SCUBE2: variants seen among roughly 807,000 people sequenced by gnomAD.
The protein encoded by SCUBE2 is signal peptide, CUB domain and EGF like domain containing 2, also known as signal peptide, CUB and EGF-like domain-containing protein 2.
In SCUBE2, 114 loss-of-function variants were observed where a neutral mutation model predicts 125.9. The ratio of observed to expected loss-of-function variants is 0.91; its 90% confidence interval spans 0.78 to 1.06. The LOEUF (loss-of-function observed/expected upper bound fraction) is 1.06, where lower values mean the gene tolerates loss of function less well. Ranked by LOEUF, SCUBE2 falls within the 50% of genes least tolerant of loss-of-function variation. The probability of loss-of-function intolerance (pLI) is 0.00; values close to 1 mark genes in which losing one functional copy is unlikely to be tolerated. For missense variants in SCUBE2, 1,255 were observed against 1,301.8 expected, an observed-to-expected ratio of 0.96 and a Z score of 0.55; for synonymous variants, 459 against 492.9, an observed-to-expected ratio of 0.93 and a Z score of 0.91.
chr11:9,063,045 G>C lies in SCUBE2; in HGVS notation c.851-2521C>G, dbSNP rs559597924. Reference sequence around the variant, plus strand: ...CACATAGGCCAGGAGGTTGAGACCAGCCTGGCCAACATAGCAAAATCCCTT... The same window carrying C: ...CACATAGGCCAGGAGGTTGAGACCACCCTGGCCAACATAGCAAAATCCCTT... On this transcript the variant is annotated intron_variant, in intron 7 of 22. Coordinates refer to ENST00000649792, the MANE Select transcript of SCUBE2 (RefSeq NM_001367977.2). Among the ~76,000 whole-genome samples, 296 of 151,974 alleles carry C rather than the reference G, an allele frequency of 1.9e-3. 1 individual carries two copies. The highest frequency in any genetic ancestry group is 6.9e-3 in the African/African-American group (285 of 41,452).
chr11:9,064,134 A>G (rs1859963165), intron 7 of SCUBE2, among the ~76,000 whole-genome samples: 1 of 152,136 alleles, frequency 6.6e-6, no homozygotes, highest in South Asian at 2.1e-4. Flanking sequence ...CTTTCATAAT[A>G]GGAAGTTAAA....
At chr11:9,030,083 A>G in intron 18 of SCUBE2, 38 bp from the exon 19 acceptor site, 1 of 1,594,292 alleles carries the variant, frequency 6.3e-7, no homozygotes, top group East Asian at 2.2e-5. Flanking sequence ...TGAAAAAAAG[A>G]AAGATTATTT....
chr11:9,020,791 A>G lies in SCUBE2; in HGVS notation c.*254T>C. 5.5e-6 allele frequency: 2 copies of G among 361,242 alleles called. No homozygotes were observed. The highest frequency in any genetic ancestry group is 5.0e-6 in the Non-Finnish European group (1 of 200,356). The allele number at this position is 361,242 out of a possible 1,614,324, so 22.4% of individuals were successfully genotyped here. ...GTCCAGCTCAGCCAGCCCGTGATCT[A>G]TCCAAGACATCCGCCCACAGCAGTG... On this transcript the variant is annotated 3_prime_UTR_variant, in exon 23 of 23. Transcript: ENST00000649792.
chr11:9,032,681 C>T (rs548272423), intron 17 of SCUBE2, among the ~76,000 whole-genome samples: 1 of 152,170 alleles, frequency 6.6e-6, no homozygotes, highest in African/African-American at 2.4e-5. Context: ...TGCAGTGAGC[C>T]GAGATTGCAC....
intron 13 of SCUBE2, 89 bp downstream of exon 13, chr11:9,052,657 C>G (rs570894819): frequency 2.0e-6 from 2 of 989,544 alleles, no homozygotes; most frequent in African/African-American, 1.6e-5. Flanking sequence ...AGAAAAAAAA[C>G]AAAGCCAATG....
chr11:9,082,684 C>T (rs1362083300), intron 2 of SCUBE2, among the ~76,000 whole-genome samples: 1 of 152,158 alleles, frequency 6.6e-6, no homozygotes, highest in Non-Finnish European at 1.5e-5. Context: ...CATGGACAAA[C>T]CTCAAAAGCA....
chr11:9,048,853 G>C (rs1244899064), intron 14 of SCUBE2, among the ~76,000 whole-genome samples: 1 of 152,138 alleles, frequency 6.6e-6, no homozygotes, highest in Non-Finnish European at 1.5e-5. Context: ...TTGAAATGAA[G>C]TATTGCCTGT....
intron 5 of SCUBE2, among the ~76,000 whole-genome samples, chr11:9,067,319 G>A (rs1307410091): frequency 6.6e-6 from 1 of 152,182 alleles, no homozygotes; most frequent in African/African-American, 2.4e-5. Context: ...CACAATTAAC[G>A]TGACAGTAAC....
At chr11:9,042,630 T>A (rs576661689) in intron 16 of SCUBE2, among the ~76,000 whole-genome samples, 5 of 152,300 alleles carry the variant, frequency 3.3e-5, no homozygotes, top group Non-Finnish European at 7.4e-5. Context: ...TTCTGATTAT[T>A]TCTTCCCCAG....
intron 3 of SCUBE2, among the ~76,000 whole-genome samples, chr11:9,075,298 G>T (rs1044510236): frequency 1.4e-4 from 21 of 152,134 alleles, no homozygotes; most frequent in African/African-American, 4.8e-4. Flanking sequence ...AGGTATAAAA[G>T]GTGGTACCAA....
intron 21 of SCUBE2, among the ~76,000 whole-genome samples, chr11:9,023,406 T>C (rs1855471921): frequency 6.6e-6 from 1 of 152,234 alleles, no homozygotes; most frequent in South Asian, 2.1e-4. Flanking sequence ...GAATACATTT[T>C]CTTTTCATCT....
At chr11:9,030,439 G>T (rs1413485101) in intron 18 of SCUBE2, 9 of 415,828 alleles carry the variant, frequency 2.2e-5, no homozygotes, top group African/African-American at 4.0e-5. Context: ...AGGGGTATTG[G>T]GGGGAAGCTC....
At chr11:9,086,627 T>C (rs1862089773) in intron 2 of SCUBE2, among the ~76,000 whole-genome samples, 1 of 151,944 alleles carries the variant, frequency 6.6e-6, no homozygotes, top group African/African-American at 2.4e-5. Flanking sequence ...CCAAGGTGGG[T>C]GGATCATCTG....
In SCUBE2 at chr11:9,059,482, A is replaced by C. The variant is rs1410968128; in HGVS notation, c.968-57T>G. On this transcript the variant is annotated intron_variant, in intron 8 of 22. Coordinates refer to ENST00000649792, the MANE Select transcript of SCUBE2 (RefSeq NM_001367977.2). Reference sequence around the variant, plus strand: ...AGCAATACTTGCCTCATTTCCCACAACTCCCTGAAGGGCCATTGTGTGTGT... The same window carrying C: ...AGCAATACTTGCCTCATTTCCCACACCTCCCTGAAGGGCCATTGTGTGTGT... 11 of 1,571,860 alleles carry C rather than the reference A, an allele frequency of 7.0e-6. No homozygotes were observed. The Admixed American group carries it at 1.9e-4, about 27-fold the overall frequency.
intron 9 of SCUBE2, chr11:9,057,279 T>C (rs1859180223): frequency 6.6e-6 from 1 of 152,206 alleles, no homozygotes; most frequent in Non-Finnish European, 1.5e-5. Context: ...GGAAACATTA[T>C]GTGGAACAGC....
At chr11:9,060,963 A>G (rs1859623325) in intron 7 of SCUBE2, among the ~76,000 whole-genome samples, 1 of 152,180 alleles carries the variant, frequency 6.6e-6, no homozygotes, top group African/African-American at 2.4e-5. Context: ...TCGCCGCCCC[A>G]ACCACTGCCT....
rs1862732579 is a variant in SCUBE2, at chr11:9,091,463, C to T, written c.66G>A (p.Leu22=). The T allele has an allele frequency of 2.5e-6, 1 of 394,068 alleles. No individual in the cohort carries two copies. 24.4% of individuals were successfully genotyped at this position (394,068 alleles called of 1,614,324 possible). A position where few individuals can be genotyped will look rare whatever the true frequency, so the allele number is the denominator to read the frequency against. ...CCCCCGCCAGCAGCAGCAGTGGCGG[C>T]AGCAGCAGCAGCAGCAGCAGCACCG... ...AWAVLLLLLL[L]PPLLLLAGAV... Residue 22 remains leucine, a synonymous_variant, in exon 1 of 23, where the codon CTG becomes CTA. Transcript: ENST00000649792. The surrounding 1 kb of genome is among the most constrained non-coding windows in gnomAD (Gnocchi z 8.5).
In SCUBE2 at chr11:9,091,367, C is replaced by A; in HGVS notation, c.133+29G>T. On this transcript the variant is annotated intron_variant, in intron 1 of 22. Transcript: ENST00000649792. The surrounding 1 kb of genome is among the most constrained non-coding windows in gnomAD (Gnocchi z 8.5). ...CTCTTCCTGGCCCTGCCTGCTGTGC[C>A]AGGTGCGCCCCCGCGGCCGGACACT... 1 of 1,299,262 alleles carries A rather than the reference C, an allele frequency of 7.7e-7. No individual in the cohort carries two copies. Among genetic ancestry groups the A allele is most frequent in the East Asian group, 3.2e-5 (1 of 31,228 alleles). The allele number at this position is 1,299,262 out of a possible 1,614,324, so 80.5% of individuals were successfully genotyped here.
intron 1 of SCUBE2, among the ~76,000 whole-genome samples, chr11:9,090,041 C>T (rs1862503072): frequency 6.6e-6 from 1 of 152,152 alleles, no homozygotes; most frequent in South Asian, 2.1e-4. Flanking sequence ...CCCACCATCA[C>T]CTACTGGCCT....
Sources: gnomAD v4.1 joint callset for allele counts (sites outside exome capture counted in the v4.1 genomes callset) on GRCh38, gnomAD v4.1.1 for gene constraint, Gnocchi (gnomAD v3.1) non-coding constraint, MANE v1.5 for transcripts, NCBI Gene and HGNC (gene_info 2026-07-23, HGNC 2026-07-21) for gene names.